Variants in EPB41L3 observed in about 807,000 individuals in gnomAD.
EPB41L3 encodes band 4.1-like protein 3.
In EPB41L3, 57 loss-of-function variants were observed where a neutral mutation model predicts 127.1. The observed-to-expected ratio is 0.45, with a 90% CI of 0.36 to 0.56. EPB41L3 has a LOEUF of 0.56. EPB41L3 is among the 20% of genes least tolerant of loss of function. The pLI is 0.00. For missense variants in EPB41L3, 1,273 were observed against 1,372.2 expected (o/e 0.93, Z 1.14); for synonymous variants, 572 against 549.5 (o/e 1.04, Z -0.57).
Position 5,610,360 on chromosome 18 carries a change from G to T in EPB41L3, c.-306+1980C>A, listed in dbSNP as rs148753525. The T allele has an allele frequency of 6.8e-4, 628 of 922,770 alleles. 2 individuals carry two copies. In the African/African-American group the frequency reaches 8.3e-3, roughly 12 times the overall value. The allele number at this position is 922,770 out of a possible 1,614,324, so 57.2% of individuals were successfully genotyped here. Reference sequence around the variant, plus strand: ...GAAGCCACCCCACTGCCAATACAGTGGGAGTTAAGGAGAAAGTTTCTGTAG... The same window carrying T: ...GAAGCCACCCCACTGCCAATACAGTTGGAGTTAAGGAGAAAGTTTCTGTAG... On this transcript the variant is annotated intron_variant, in intron 3 of 21. Transcript: ENST00000545076.
chr18:5,629,356 G>A (rs948531289), upstream of EPB41L3, among the ~76,000 whole-genome samples: 4 of 151,738 alleles, frequency 2.6e-5, no homozygotes, highest in African/African-American at 9.7e-5. Context: ...CGCCGGGCTG[G>A]GGGAACTGGC....
chr18:5,509,362 G>C (rs1224481972), intron 1 of EPB41L3, among the ~76,000 whole-genome samples: 1 of 152,238 alleles, frequency 6.6e-6, no homozygotes, highest in Non-Finnish European at 1.5e-5. Context: ...ACACCAACTA[G>C]CTCATCAGAG....
At chr18:5,466,088 T>C (rs2084925036) in intron 3 of EPB41L3, among the ~76,000 whole-genome samples, 2 of 152,182 alleles carry the variant, frequency 1.3e-5, no homozygotes, top group African/African-American at 4.8e-5. Flanking sequence ...ATTATGTAAT[T>C]GCCATTTCCA....
In EPB41L3 at chr18:5,433,996, T is replaced by G; in HGVS notation, c.731A>C (p.Glu244Ala). The G allele has an allele frequency of 1.9e-6, 3 of 1,614,102 alleles. No homozygotes were observed. The highest frequency in any genetic ancestry group is 2.5e-6 in the Non-Finnish European group (3 of 1,180,012). The part of the protein sequence containing the change: ...QSELGDYDPD[E>A]CGSDYISEFR... ...CTCACTAATGTAATCGCTCCCACAT[T>G]CATCTGGGTCATAGTCTCCGAGCTC... The change falls in exon 7 of 23, where the codon GAA becomes GCA. Residue 244 changes from glutamate to alanine, a missense_variant. By Grantham distance (107) the Glu-to-Ala change is moderately radical (BLOSUM62 -1). This residue lies in a region of EPB41L3 where 326 missense variants were observed against 440.2 expected (regional missense o/e 0.74). Transcript: ENST00000341928.
At chr18:5,526,936 C>G (rs1465077751) in intron 1 of EPB41L3, among the ~76,000 whole-genome samples, 1 of 150,800 alleles carries the variant, frequency 6.6e-6, no homozygotes, top group African/African-American at 2.4e-5. Context: ...TTTCCCAGCA[C>G]TGAATAGAGA....
At chr18:5,459,261 C>A (rs928425235) in intron 3 of EPB41L3, among the ~76,000 whole-genome samples, 1 of 152,096 alleles carries the variant, frequency 6.6e-6, no homozygotes, top group Non-Finnish European at 1.5e-5. Context: ...AGTAAGACCC[C>A]ATTTCGAAAA....
At position 5,598,542 on chromosome 18, in the gene EPB41L3, C is replaced by T. The variant is rs193089090; in HGVS notation, c.-306+13798G>A. Among the ~76,000 whole-genome samples, 256 of 152,016 alleles carry T rather than the reference C, an allele frequency of 1.7e-3. 1 individual carries two copies. The highest frequency in any genetic ancestry group is 5.9e-3 in the African/African-American group (246 of 41,438). On this transcript the variant is annotated intron_variant, in intron 3 of 21. Transcript: ENST00000545076. ...GTAAATATCAATAGGTATAATCTAC[C>T]TAAGCAAAAGTTCTTTGTGGATTCT...
chr18:5,478,333 A>C lies in EPB41L3; in HGVS notation c.289T>G (p.Ser97Ala), dbSNP rs777002757. Residue 97 changes from serine (S) to alanine (A), a missense_variant, in exon 3 of 23, where the codon TCT becomes GCT. Transcript: ENST00000341928. ...TTGACAATCTTTAATGGAGACCGAG[A>C]GAGTTTACTGCTAGATGATTTCTGA... ...LSQKSSSSKLSRSPLKIVKKP... is the reference protein window; with the variant it reads ...LSQKSSSSKLARSPLKIVKKP... 1 of 1,614,124 alleles carries C rather than the reference A, an allele frequency of 6.2e-7. No individual in the cohort carries two copies. The highest frequency in any genetic ancestry group is 8.5e-7 in the Non-Finnish European group (1 of 1,180,010).
At chr18:5,564,963 C>T (rs963705745) in intron 3 of EPB41L3, among the ~76,000 whole-genome samples, 1 of 152,150 alleles carries the variant, frequency 6.6e-6, no homozygotes, top group Admixed American at 6.5e-5. Context: ...ATAATGAGAA[C>T]TTTTCCCTCA....
At chr18:5,491,351 T>C (rs1353257633) in intron 1 of EPB41L3, among the ~76,000 whole-genome samples, 1 of 152,218 alleles carries the variant, frequency 6.6e-6, no homozygotes, top group Non-Finnish European at 1.5e-5. Flanking sequence ...CTTTAGCTTG[T>C]GTTCATTTGC....
intron 1 of EPB41L3, among the ~76,000 whole-genome samples, chr18:5,531,664 G>C (rs2093414465): frequency 6.7e-6 from 1 of 150,034 alleles, no homozygotes; most frequent in South Asian, 2.1e-4. Context: ...TGGAGGTAGA[G>C]GTTGCGGTGA....
At chr18:5,507,366 A>G (rs893887863) in intron 1 of EPB41L3, among the ~76,000 whole-genome samples, 49 of 152,170 alleles carry the variant, frequency 3.2e-4, no homozygotes, top group African/African-American at 1.1e-3. Flanking sequence ...TTCAAAAAGG[A>G]TTAACAATAA....
intron 1 of EPB41L3, among the ~76,000 whole-genome samples, chr18:5,495,993 C>G (rs1294179675): frequency 6.6e-6 from 1 of 152,234 alleles, no homozygotes; most frequent in Non-Finnish European, 1.5e-5. Flanking sequence ...GCACAGACCT[C>G]TCCCACCACT....
At chr18:5,617,968 G>A (rs190171876) in intron 1 of EPB41L3, among the ~76,000 whole-genome samples, 1 of 152,244 alleles carries the variant, frequency 6.6e-6, no homozygotes, top group East Asian at 1.9e-4. Flanking sequence ...GGTACCATTT[G>A]GCTTCCTGTT....
At chr18:5,434,789 A>G (rs759747512) in intron 6 of EPB41L3, among the ~76,000 whole-genome samples, 3 of 152,222 alleles carry the variant, frequency 2.0e-5, no homozygotes, top group Non-Finnish European at 2.9e-5. Flanking sequence ...TCACTATGCT[A>G]TACTTTTTAT....
chr18:5,445,945 GA>G (rs570786416), intron 3 of EPB41L3, among the ~76,000 whole-genome samples: 1 of 151,772 alleles, frequency 6.6e-6, no homozygotes, highest in Non-Finnish European at 1.5e-5. Context: ...CCAGTCCATA[GA>G]AAAAAAATGG....
intron 1 of EPB41L3, among the ~76,000 whole-genome samples, chr18:5,490,732 C>G (rs571112103): frequency 8.0e-4 from 122 of 152,102 alleles, no homozygotes; most frequent in African/African-American, 2.8e-3. Flanking sequence ...TATGCTTATC[C>G]TGGAAAGTGG....
chr18:5,395,860 G>C (rs1374612618), intron 19 of EPB41L3, among the ~76,000 whole-genome samples, 153 bp from the exon 20 acceptor site: 1 of 152,102 alleles, frequency 6.6e-6, no homozygotes, highest in Non-Finnish European at 1.5e-5. Context: ...CCAAGAATAA[G>C]TACTAAGTGC....
intron 3 of EPB41L3, among the ~76,000 whole-genome samples, chr18:5,450,838 C>G (rs2041856): frequency 0.73 from 110,414 of 151,892 alleles, 40,263 homozygotes; most frequent in East Asian, 0.83. Context: ...TGTAGATTCT[C>G]CTGTTTGCAT....
Sources: gnomAD v4.1 joint callset for allele counts (sites outside exome capture counted in the v4.1 genomes callset) on GRCh38, gnomAD v4.1.1 for gene constraint, gnomAD v4.1.1 regional missense constraint, MANE v1.5 for transcripts, NCBI Gene and HGNC (gene_info 2026-07-23, HGNC 2026-07-21) for gene names.